CALN1: variants seen among roughly 807,000 people sequenced by gnomAD.
CALN1 encodes the protein calcium-binding protein 8.
A neutral mutation model predicts 30.6 loss-of-function variants in CALN1; 17 were observed. The observed-to-expected ratio is 0.56, with a 90% CI of 0.38 to 0.83. The LOEUF is 0.83. CALN1 is among the 40% of genes least tolerant of loss of function. The pLI is 0.00. For missense variants in CALN1, 291 were observed against 354.9 expected (o/e 0.82, Z 1.45); for synonymous variants, 156 against 131.4 (o/e 1.19, Z -1.28).
intron 1 of CALN1, among the ~76,000 whole-genome samples, chr7:72,432,560 T>C (rs1808010635): frequency 6.6e-6 from 1 of 152,182 alleles, no homozygotes; most frequent in Non-Finnish European, 1.5e-5. Flanking sequence ...ACCCCATGAA[T>C]TTTGTCTCCT....
chr7:72,329,811 G>A (rs1312491942), intron 2 of CALN1, among the ~76,000 whole-genome samples: 1 of 151,792 alleles, frequency 6.6e-6, no homozygotes, highest in African/African-American at 2.4e-5. Flanking sequence ...CAAATTAGCT[G>A]GGCGTGGTGC....
chr7:71,808,377 A>G (rs1787744453), intron 6 of CALN1, among the ~76,000 whole-genome samples: 1 of 151,554 alleles, frequency 6.6e-6, no homozygotes, highest in South Asian at 2.1e-4. Context: ...ATAAACATTA[A>G]TAATTATTTT....
At chr7:72,092,614 T>C (rs959052896) in intron 4 of CALN1, among the ~76,000 whole-genome samples, 6 of 114,426 alleles carry the variant, frequency 5.2e-5, no homozygotes, top group Admixed American at 2.2e-4. Context: ...GCAATGAATA[T>C]TGTATTCTAG....
At chr7:72,167,408 G>T (rs757894190) in intron 3 of CALN1, among the ~76,000 whole-genome samples, 1 of 152,150 alleles carries the variant, frequency 6.6e-6, no homozygotes, top group Non-Finnish European at 1.5e-5. Flanking sequence ...ACAGTGATGC[G>T]ATCTAGGCTC....
At chr7:72,113,056 G>C (rs951702237) in intron 3 of CALN1, among the ~76,000 whole-genome samples, 1 of 152,162 alleles carries the variant, frequency 6.6e-6, no homozygotes, top group East Asian at 1.9e-4. Flanking sequence ...ACTGAGAGAT[G>C]AGAGTGGAGA....
chr7:72,429,314 A>G (rs1807898922), intron 1 of CALN1, among the ~76,000 whole-genome samples: 4 of 152,190 alleles, frequency 2.6e-5, no homozygotes, highest in African/African-American at 9.7e-5. Context: ...TCAGAGCAGG[A>G]CCTTATTGGT....
chr7:71,874,371 T>C (rs1792123203), intron 5 of CALN1, among the ~76,000 whole-genome samples: 1 of 150,440 alleles, frequency 6.6e-6, no homozygotes, highest in African/African-American at 2.5e-5. Flanking sequence ...CCTAAGAGGA[T>C]ACCATTGCTA....
the CALN1 span, among the ~76,000 whole-genome samples, chr7:72,503,103 G>T: frequency 6.6e-6 from 1 of 152,032 alleles, no homozygotes; most frequent in Non-Finnish European, 1.5e-5. Flanking sequence ...CTGAGATCGT[G>T]CCACTGCACT....
intron 5 of CALN1, among the ~76,000 whole-genome samples, chr7:71,910,386 G>C (rs1483152774): frequency 6.6e-6 from 1 of 152,158 alleles, no homozygotes; most frequent in Non-Finnish European, 1.5e-5. Flanking sequence ...CCAAGGGTTG[G>C]GGAGGACATT....
intron 6 of CALN1, among the ~76,000 whole-genome samples, chr7:71,797,269 A>G (rs975132794): frequency 1.3e-5 from 2 of 152,112 alleles, no homozygotes; most frequent in Non-Finnish European, 2.9e-5. Flanking sequence ...GGGTGCAGGG[A>G]TGTTAAAAAA....
intron 3 of CALN1, among the ~76,000 whole-genome samples, chr7:72,116,151 T>A (rs576578602): frequency 6.5e-4 from 99 of 152,296 alleles, no homozygotes; most frequent in African/African-American, 2.1e-3. Flanking sequence ...TAAATACTCA[T>A]TGAACGTGCC....
intron 5 of CALN1, among the ~76,000 whole-genome samples, chr7:71,990,744 C>T (rs553794792): frequency 4.6e-5 from 7 of 152,224 alleles, no homozygotes; most frequent in South Asian, 4.2e-4. Context: ...TGAGCCACCA[C>T]GCCCAGCCTA....
chr7:72,259,202 G>A (rs1796116826), intron 3 of CALN1, among the ~76,000 whole-genome samples: 1 of 152,032 alleles, frequency 6.6e-6, no homozygotes, highest in Non-Finnish European at 1.5e-5. Context: ...TTGTGATCAA[G>A]CATGATTAAG....
chr7:72,327,817 G>A (rs967427885), intron 2 of CALN1, among the ~76,000 whole-genome samples: 7 of 152,262 alleles, frequency 4.6e-5, no homozygotes, highest in Middle Eastern at 3.4e-3. Flanking sequence ...AAAAGGCAAG[G>A]TTCAGTTCTT....
the CALN1 span, among the ~76,000 whole-genome samples, chr7:72,472,583 G>A: frequency 2.6e-5 from 4 of 151,966 alleles, no homozygotes; most frequent in Middle Eastern, 6.8e-3. Flanking sequence ...TCAGGAGTTC[G>A]AGACCAGCGT....
At chr7:72,200,170 A>C (rs893079290) in intron 3 of CALN1, among the ~76,000 whole-genome samples, 1 of 151,824 alleles carries the variant, frequency 6.6e-6, no homozygotes. Context: ...AATTGGGGGG[A>C]GTGGAGGGGA....
chr7:72,181,850 G>T (rs1262295008), intron 3 of CALN1, among the ~76,000 whole-genome samples: 1 of 152,152 alleles, frequency 6.6e-6, no homozygotes. Flanking sequence ...AAGAACACAA[G>T]TATTCAGCCT....
chr7:71,829,078 T>C (rs894941004), intron 5 of CALN1, among the ~76,000 whole-genome samples: 1 of 152,124 alleles, frequency 6.6e-6, no homozygotes, highest in Admixed American at 6.5e-5. Context: ...CTCCCTAAAG[T>C]GTATAAAACC....
At chr7:72,337,088 A>G (rs1802113910) in intron 2 of CALN1, 5 of 985,496 alleles carry the variant, frequency 5.1e-6, no homozygotes, top group Non-Finnish European at 6.0e-6. Flanking sequence ...GGTTCAGCCC[A>G]TGTGCGCGGC....
Sources: allele counts gnomAD v4.1 joint callset (sites outside exome capture counted in the v4.1 genomes callset), GRCh38; gene constraint gnomAD v4.1.1; transcripts MANE v1.5; gene names NCBI Gene and HGNC (gene_info 2026-07-23, HGNC 2026-07-21).